Variants in SLCO1B3 observed in about 807,000 individuals in gnomAD.
SLCO1B3 encodes the protein solute carrier organic anion transporter family member 1B3.
In SLCO1B3, 72 loss-of-function variants were observed where a neutral mutation model predicts 71.8. That is an observed-to-expected ratio of 1.00 (90% CI 0.83 to 1.22). The LOEUF (loss-of-function observed/expected upper bound fraction) is 1.22. SLCO1B3 is among the 50% of genes most tolerant of loss of function. The pLI is 0.00. For synonymous variants in SLCO1B3, 298 were observed against 278.4 expected, an observed-to-expected ratio of 1.07 and a Z score of -0.70; for missense variants, 911 against 819.7, an observed-to-expected ratio of 1.11 and a Z score of -1.36.
At chr12:20,834,352 C>G (rs1591751418) in intron 3 of SLCO1B3, among the ~76,000 whole-genome samples, 1 of 134,500 alleles carries the variant, frequency 7.4e-6, no homozygotes, top group African/African-American at 2.6e-5. Flanking sequence ...TATATGTAGT[C>G]TTCATATACG....
At chr12:20,833,244 C>G (rs1864581240) in intron 3 of SLCO1B3, among the ~76,000 whole-genome samples, 1 of 152,072 alleles carries the variant, frequency 6.6e-6, no homozygotes, top group Non-Finnish European at 1.5e-5. Flanking sequence ...ATCTGTTTAG[C>G]AACCTTAATT....
chr12:20,883,336 T>G lies in SLCO1B3; in HGVS notation c.1498-82T>G, dbSNP rs2053097. The G allele has an allele frequency of 0.83, 644,416 of 781,090 alleles. 271,027 individuals are homozygous for G. The highest frequency in any genetic ancestry group is 0.92 in the South Asian group (27,814 of 30,296). 48.4% of individuals were successfully genotyped at this position (781,090 alleles called of 1,614,324 possible). A position where few individuals can be genotyped will look rare whatever the true frequency, so the allele number is the denominator to read the frequency against. The stretch of plus-strand genomic sequence containing the variant: ...AACTGTAAATATTTTAGTTTGAGAC[T>G]TCTTTAAATATAATGGAATGTATTC... On this transcript the variant is annotated intron_variant, in intron 12 of 15. Transcript: ENST00000381545.
At position 20,883,476 on chromosome 12, in the gene SLCO1B3, C is replaced by T. The variant is rs778801571; in HGVS notation, c.1556C>T (p.Ala519Val). 7.5e-6 allele frequency: 12 copies of T among 1,594,232 alleles called. No individual in the cohort carries two copies. Among genetic ancestry groups the T allele is most frequent in the South Asian group, 2.3e-5 (2 of 88,180 alleles). The change falls in exon 13 of 16, where the codon GCA (alanine) becomes GTA (valine). Residue 519 changes from alanine (A) to valine (V), a missense_variant. Physicochemically the swap from Ala to Val is moderately conservative, Grantham distance 64. Coordinates refer to ENST00000381545, the MANE Select transcript of SLCO1B3 (RefSeq NM_019844.4). ...VTGLQNRNYSAHLGECPRDNT... is the reference protein window; with the variant it reads ...VTGLQNRNYSVHLGECPRDNT... The stretch of plus-strand genomic sequence containing the variant: ...GGTCTCCAGAACAGAAATTACTCAG[C>T]ACACTTGGGTGAATGCCCAAGAGAT...
rs148566244 is a variant in SLCO1B3 at position 20,826,256 on chromosome 12, A to G, written c.84+10434A>G. ...TTTTTTTTTATAATGTCAGGCCACAATAGCAGAACCTGAGGGAAAAAAATT... is the reference window on the plus strand; with the variant it reads ...TTTTTTTTTATAATGTCAGGCCACAGTAGCAGAACCTGAGGGAAAAAAATT... On this transcript the variant is annotated intron_variant, in intron 3 of 15. Coordinates refer to ENST00000381545, the MANE Select transcript of SLCO1B3 (RefSeq NM_019844.4). 5.6e-4 allele frequency among the ~76,000 whole-genome samples: 86 copies of G among 152,258 alleles called. 4 individuals carry two copies. Among genetic ancestry groups the G allele is most frequent in the African/African-American group, 1.9e-3 (80 of 41,572 alleles).
chr12:20,880,589 T>C (rs1029566221), intron 11 of SLCO1B3, among the ~76,000 whole-genome samples: 18 of 152,190 alleles, frequency 1.2e-4, no homozygotes, highest in Non-Finnish European at 2.4e-4. Context: ...TTTTTTAATT[T>C]TTACTTTTTC....
At chr12:20,874,108 T>C (rs1865530771) in intron 8 of SLCO1B3, among the ~76,000 whole-genome samples, 1 of 152,208 alleles carries the variant, frequency 6.6e-6, no homozygotes, top group African/African-American at 2.4e-5. Context: ...TTATATTCCT[T>C]TGGGTATATA....
rs763793458 is a variant in SLCO1B3, at chr12:20,881,031, G to A, written c.1497+11G>A. 1.9e-6 allele frequency: 3 copies of A among 1,568,260 alleles called. No individual in the cohort carries two copies. In the East Asian group the frequency reaches 6.9e-5, roughly 36 times the overall value. On this transcript the variant is annotated intron_variant, in intron 12 of 15. Coordinates refer to ENST00000381545, the MANE Select transcript of SLCO1B3 (RefSeq NM_019844.4). ...ATTAAAAAGCATACAGTGAGTATTAGTTTTCACTTTTTCTCCTCTCCTTAA... is the reference window on the plus strand; with the variant it reads ...ATTAAAAAGCATACAGTGAGTATTAATTTTCACTTTTTCTCCTCTCCTTAA...
intron 15 of SLCO1B3, among the ~76,000 whole-genome samples, chr12:20,911,295 C>G (rs1407435807): frequency 6.6e-6 from 1 of 152,116 alleles, no homozygotes; most frequent in Non-Finnish European, 1.5e-5. Context: ...ACCTGAAATA[C>G]ATTCCACTTG....
At position 20,831,299 on chromosome 12, in the gene SLCO1B3, G is replaced by A. The variant is rs181543598; in HGVS notation, c.84+15477G>A. The stretch of plus-strand genomic sequence containing the variant: ...TTGTGCCTGGGAGGCAGAGGTTGAA[G>A]TGAGCCGAGATCCCACCACTCCACT... On this transcript the variant is annotated intron_variant, in intron 3 of 15. Transcript: ENST00000381545. Among the ~76,000 whole-genome samples the A allele has an allele frequency of 3.7e-5, 5 of 136,828 alleles. No homozygotes were observed. The East Asian group carries it at 1.1e-3, about 31-fold the overall frequency. 89.8% of individuals were successfully genotyped at this position (136,828 alleles called of 152,430 possible). A position where few individuals can be genotyped will look rare whatever the true frequency, so the allele number is the denominator to read the frequency against.
intron 3 of SLCO1B3, among the ~76,000 whole-genome samples, chr12:20,831,308 G>A (rs1239005397): frequency 7.8e-6 from 1 of 127,548 alleles, no homozygotes; most frequent in African/African-American, 3.0e-5. Context: ...AGTGAGCCGA[G>A]ATCCCACCAC....
At chr12:20,904,278 G>A (rs1866189125) in intron 15 of SLCO1B3, among the ~76,000 whole-genome samples, 2 of 151,994 alleles carry the variant, frequency 1.3e-5, no homozygotes, top group South Asian at 2.1e-4. Flanking sequence ...ATACAATGGG[G>A]GTACAGGCAT....
At position 20,877,937 on chromosome 12, in the gene SLCO1B3, G is replaced by A. The variant is rs201833947; in HGVS notation, c.1135+1G>A. 1.0e-4 allele frequency: 164 copies of A among 1,581,506 alleles called. No individual in the cohort carries two copies. Among genetic ancestry groups the A allele is most frequent in the Non-Finnish European group, 1.3e-4 (157 of 1,165,550 alleles). On this transcript the variant is annotated splice_donor_variant, in intron 10 of 15. Transcript: ENST00000381545. LOFTEE classifies it high-confidence loss of function. ...GCATCTCATGCTAACTTTTTGTTGGGTAAGACATATTTTTTACCTGTTTGC... is the reference window on the plus strand; with the variant it reads ...GCATCTCATGCTAACTTTTTGTTGGATAAGACATATTTTTTACCTGTTTGC...
chr12:20,830,016 C>T (rs1476515892), intron 3 of SLCO1B3, among the ~76,000 whole-genome samples: 1 of 152,172 alleles, frequency 6.6e-6, no homozygotes. Context: ...TGCTGAACTT[C>T]TGTCTCATCC....
In SLCO1B3 at chr12:20,895,574, G is replaced by A. The variant is rs1865988971; in HGVS notation, c.1683-2862G>A. Among the ~76,000 whole-genome samples, 5 of 152,016 alleles carry A rather than the reference G, an allele frequency of 3.3e-5. No homozygotes were observed. In the South Asian group the frequency reaches 1.0e-3, roughly 32 times the overall value. ...CAAGAGGTAGGTTCCCGTAGTCTTG[G>A]GCAGCTCTATCCCTGTGGCTTTGCA... On this transcript the variant is annotated intron_variant, in intron 13 of 15. Coordinates refer to ENST00000381545, the MANE Select transcript of SLCO1B3 (RefSeq NM_019844.4).
At chr12:20,845,304 A>T (rs913186397) in intron 3 of SLCO1B3, 13 of 222,434 alleles carry the variant, frequency 5.8e-5, no homozygotes, top group Non-Finnish European at 9.8e-5. Flanking sequence ...TTTGACCCTG[A>T]TCAACAATGA....
At chr12:20,841,534 A>G (rs915005739) in intron 3 of SLCO1B3, among the ~76,000 whole-genome samples, 1 of 151,786 alleles carries the variant, frequency 6.6e-6, no homozygotes, top group African/African-American at 2.4e-5. Flanking sequence ...TATTGTCTGT[A>G]CGATACCTAC....
At chr12:20,845,197 A>G in intron 3 of SLCO1B3, 1 of 389,438 alleles carries the variant, frequency 2.6e-6, no homozygotes, top group South Asian at 2.0e-5. Flanking sequence ...ACATGGGAGA[A>G]GCAGATCTAC....
chr12:20,839,276 T>G (rs1864746106), intron 3 of SLCO1B3, among the ~76,000 whole-genome samples: 1 of 152,060 alleles, frequency 6.6e-6, no homozygotes, highest in Non-Finnish European at 1.5e-5. Flanking sequence ...TTTTATGAAG[T>G]TTTGAGCTTC....
chr12:20,909,043 A>G (rs973752475), intron 15 of SLCO1B3, among the ~76,000 whole-genome samples: 1 of 152,022 alleles, frequency 6.6e-6, no homozygotes, highest in African/African-American at 2.4e-5. Flanking sequence ...TTCCTTATCC[A>G]CATCTAATGT....
Sources: gnomAD v4.1 joint callset for allele counts (sites outside exome capture counted in the v4.1 genomes callset) on GRCh38, gnomAD v4.1.1 for gene constraint, MANE v1.5 for transcripts, NCBI Gene and HGNC (gene_info 2026-07-23, HGNC 2026-07-21) for gene names.